Variants in DYM observed in about 807,000 individuals in gnomAD.
DYM encodes the protein dyggve-Melchior-Clausen syndrome protein.
Under a neutral mutation model 93.1 loss-of-function variants are expected in DYM, and 78 were observed. That is an observed-to-expected ratio of 0.84 (90% CI 0.70 to 1.01). The LOEUF is 1.01. Ranked by LOEUF, DYM falls within the 50% of genes least tolerant of loss-of-function variation. The pLI, the probability that DYM is intolerant of heterozygous loss-of-function variation, is 0.00. For missense variants in DYM, 789 were observed against 845.0 expected, an observed-to-expected ratio of 0.93 and a Z score of 0.82; for synonymous variants, 321 against 319.7, an observed-to-expected ratio of 1.00 and a Z score of -0.04.
At chr18:49,392,237 G>C (rs1259208087) in intron 2 of DYM, among the ~76,000 whole-genome samples, 1 of 152,116 alleles carries the variant, frequency 6.6e-6, no homozygotes, top group Non-Finnish European at 1.5e-5. Flanking sequence ...GATAGACAGA[G>C]ACAGAAATAA....
chr18:49,208,221 GTCAA>G (rs2092618329), intron 14 of DYM, among the ~76,000 whole-genome samples: 1 of 149,376 alleles, frequency 6.7e-6, no homozygotes, highest in Non-Finnish European at 1.5e-5. Flanking sequence ...AGAAAAAGAC[GTCAA>G]TTATCCTGCA....
intron 17 of DYM, among the ~76,000 whole-genome samples, chr18:49,073,370 T>C (rs1373112913): frequency 6.6e-6 from 1 of 152,232 alleles, no homozygotes; most frequent in Non-Finnish European, 1.5e-5. Context: ...AGGTAAACTT[T>C]TGTCAAAGGT....
intron 3 of DYM, among the ~76,000 whole-genome samples, chr18:49,387,561 GT>G (rs201568014): frequency 0.011 from 1,749 of 152,278 alleles, 20 homozygotes; most frequent in Non-Finnish European, 0.018. Flanking sequence ...GTGAGCCACT[GT>G]GCCTGGTCGA....
intron 9 of DYM, among the ~76,000 whole-genome samples, chr18:49,282,739 G>A (rs946782239): frequency 1.3e-5 from 2 of 152,126 alleles, no homozygotes; most frequent in Admixed American, 6.5e-5. Flanking sequence ...TAAATAAACA[G>A]AATTATGAGC....
In DYM at chr18:49,181,129, C is replaced by A. The variant is rs575475604; in HGVS notation, c.1626-17342G>T. 2.0e-5 allele frequency among the ~76,000 whole-genome samples: 3 copies of A among 152,180 alleles called. No individual in the cohort carries two copies. In the East Asian group the frequency reaches 5.8e-4, roughly 29 times the overall value. On this transcript the variant is annotated intron_variant, in intron 14 of 17. Coordinates refer to ENST00000675505, the MANE Select transcript of DYM (RefSeq NM_001353214.3). Reference sequence around the variant, plus strand: ...TACCACGTCATGAAATGCAGCAAACCATCTAGAGTCAAGGTCGTGTTGGAG... The same window carrying A: ...TACCACGTCATGAAATGCAGCAAACAATCTAGAGTCAAGGTCGTGTTGGAG...
At chr18:49,268,377 A>G (rs1277310226) in intron 11 of DYM, among the ~76,000 whole-genome samples, 1 of 152,218 alleles carries the variant, frequency 6.6e-6, no homozygotes, top group Non-Finnish European at 1.5e-5. Flanking sequence ...TGTCATCTAA[A>G]ATATCCTGAA....
At chr18:49,327,307 T>C (rs1007347661) in intron 8 of DYM, among the ~76,000 whole-genome samples, 1 of 152,074 alleles carries the variant, frequency 6.6e-6, no homozygotes, top group Non-Finnish European at 1.5e-5. Flanking sequence ...TGTGGGTAGA[T>C]GGGAGTTCAT....
chr18:49,114,133 G>C (rs138368460), intron 16 of DYM, among the ~76,000 whole-genome samples: 18 of 152,290 alleles, frequency 1.2e-4, no homozygotes, highest in African/African-American at 4.1e-4. Flanking sequence ...ATGATCCTTA[G>C]GCAGGAATGT....
At chr18:49,256,024 C>T (rs1338955203) in intron 13 of DYM, among the ~76,000 whole-genome samples, 1 of 143,514 alleles carries the variant, frequency 7.0e-6, no homozygotes, top group African/African-American at 2.6e-5. Flanking sequence ...GTGGAGCTTG[C>T]AGTGAGCTGA....
At chr18:49,253,159 ACTGACTCTT>A (rs1174270116) in intron 13 of DYM, among the ~76,000 whole-genome samples, 2 of 152,230 alleles carry the variant, frequency 1.3e-5, no homozygotes, top group Non-Finnish European at 2.9e-5. Context: ...CATGTGAAAT[ACTGACTCTT>A]CTAAGTTTTG....
At chr18:49,165,685 A>C (rs536646867) in intron 14 of DYM, among the ~76,000 whole-genome samples, 37 of 152,316 alleles carry the variant, frequency 2.4e-4, no homozygotes, top group Non-Finnish European at 3.7e-4. Context: ...TACTTAAATA[A>C]AGTGGGAAGA....
chr18:49,413,827 T>A (rs535663265), intron 2 of DYM, among the ~76,000 whole-genome samples: 1 of 152,072 alleles, frequency 6.6e-6, no homozygotes, highest in African/African-American at 2.4e-5. Flanking sequence ...CTGGCCAACA[T>A]GGTGAAACCC....
intron 15 of DYM, among the ~76,000 whole-genome samples, chr18:49,155,180 C>T (rs940021165): frequency 9.2e-5 from 14 of 152,168 alleles, no homozygotes; most frequent in African/African-American, 3.1e-4. Context: ...AGCTGACTTT[C>T]GCAGTTTCTA....
rs1002504517 is a variant in DYM at position 49,415,881 on chromosome 18, C to T, written c.140+14374G>A. On this transcript the variant is annotated intron_variant, in intron 2 of 17. Transcript: ENST00000675505. ...GGCAGAGGCTGCAGTGAGCCAAGGT[C>T]GTGCCACTGTACTCCAGCCTGGGCA... 6.1e-5 allele frequency among the ~76,000 whole-genome samples: 9 copies of T among 147,788 alleles called. No individual in the cohort carries two copies. The South Asian group carries it at 8.5e-4, about 14-fold the overall frequency.
At chr18:49,161,436 T>TA (rs1417638136) in intron 15 of DYM, among the ~76,000 whole-genome samples, 1 of 152,036 alleles carries the variant, frequency 6.6e-6, no homozygotes, top group Non-Finnish European at 1.5e-5. Context: ...TTTTGTGGAG[T>TA]AAATGGCACA....
At chr18:49,320,621 C>T (rs1309785214) in intron 8 of DYM, among the ~76,000 whole-genome samples, 1 of 152,006 alleles carries the variant, frequency 6.6e-6, no homozygotes, top group South Asian at 2.1e-4. Context: ...ATTACAGGTG[C>T]AACACCAAGT....
chr18:49,257,882 C>A (rs1412755448), intron 12 of DYM, among the ~76,000 whole-genome samples: 1 of 151,950 alleles, frequency 6.6e-6, no homozygotes, highest in African/African-American at 2.4e-5. Flanking sequence ...TGCCATTTCT[C>A]TTAGCTATGA....
At chr18:49,418,547 T>C (rs9950560) in intron 2 of DYM, among the ~76,000 whole-genome samples, 31,177 of 152,096 alleles carry the variant, frequency 0.2, 3,274 homozygotes, top group East Asian at 0.28. Flanking sequence ...AAACAGTTAA[T>C]AGTAAGGAAG....
intron 17 of DYM, among the ~76,000 whole-genome samples, chr18:49,092,024 C>T (rs1016392769): frequency 7.2e-5 from 11 of 152,104 alleles, no homozygotes; most frequent in Non-Finnish European, 1.6e-4. Flanking sequence ...TAGGCAATAT[C>T]GGAGCCCATC....
Sources: gnomAD v4.1 joint callset for allele counts (sites outside exome capture counted in the v4.1 genomes callset) on GRCh38, gnomAD v4.1.1 for gene constraint, MANE v1.5 for transcripts, NCBI Gene and HGNC (gene_info 2026-07-23, HGNC 2026-07-21) for gene names.